The following KIAA1549 variants were observed in gnomAD, a reference collection of about 807,000 sequenced individuals.
KIAA1549 encodes UPF0606 protein KIAA1549.
KIAA1549 carries 70 observed loss-of-function variants against 156.4 expected under a neutral mutation model. That is an observed-to-expected ratio of 0.45 (90% CI 0.37 to 0.55). The LOEUF is 0.55. KIAA1549 is among the 20% of genes least tolerant of loss of function. KIAA1549 has a pLI of 0.00. For missense variants in KIAA1549, 2,428 were observed against 2,540.9 expected, an observed-to-expected ratio of 0.96 and a Z score of 0.96; for synonymous variants, 1,103 against 1,066.4, an observed-to-expected ratio of 1.03 and a Z score of -0.67.
chr7:138,944,853 G>A (rs542773570), intron 1 of KIAA1549, among the ~76,000 whole-genome samples: 2 of 152,284 alleles, frequency 1.3e-5, no homozygotes, highest in South Asian at 4.1e-4. Context: ...AACCCACAGA[G>A]GCAGAATGCA....
intron 19 of KIAA1549, 52 bp from the exon 20 acceptor site, chr7:138,838,212 C>T: frequency 1.5e-5 from 22 of 1,439,628 alleles, no homozygotes; most frequent in Non-Finnish European, 2.0e-5. Flanking sequence ...TAAGCCGAAA[C>T]ATCAAATGCA....
intron 16 of KIAA1549, among the ~76,000 whole-genome samples, chr7:138,852,515 C>G (rs1810264086): frequency 6.6e-6 from 1 of 152,222 alleles, no homozygotes; most frequent in South Asian, 2.1e-4. Context: ...TTGTATATTA[C>G]AACTATAAAT....
rs1321362337 is a variant in KIAA1549 at position 138,881,422 on chromosome 7, T to C, written c.4195A>G (p.Lys1399Glu). Residue 1399 changes from lysine (K) to glutamate (E), a missense_variant, in exon 11 of 20, where the codon AAG becomes GAG. Lys to Glu is a moderately conservative substitution (Grantham distance 56, BLOSUM62 1). Coordinates refer to ENST00000422774, the MANE Select transcript of KIAA1549 (RefSeq NM_001164665.2). ...ENGDVPSPKS[K>E]IPSKNVRHRG... ...TGACGAACATTCTTGGAAGGGATCT[T>C]TGACTTGGGGCTTGGCACGTCTCCA... The C allele has an allele frequency of 1.1e-5, 17 of 1,613,838 alleles. No homozygotes were observed. The highest frequency in any genetic ancestry group is 1.4e-5 in the Non-Finnish European group (16 of 1,179,876).
At chr7:138,862,515 AAAG>A (rs1810615505) in intron 15 of KIAA1549, among the ~76,000 whole-genome samples, 1 of 151,462 alleles carries the variant, frequency 6.6e-6, no homozygotes, top group African/African-American at 2.4e-5. Flanking sequence ...AAAAAAAAAA[AAAG>A]AAAAAGAAAA....
rs551331872 is a variant in KIAA1549, at chr7:138,895,801, T to C, written c.3848-1275A>G. Among the ~76,000 whole-genome samples, 81 of 152,286 alleles carry C rather than the reference T, an allele frequency of 5.3e-4. 1 individual carries two copies. In the South Asian group the frequency reaches 0.011, roughly 21 times the overall value. The stretch of plus-strand genomic sequence containing the variant: ...TGTGTTAATTTGGAAACTGAAGTCC[T>C]AATAAGCGTCCCATAGGCACTGCCT... On this transcript the variant is annotated intron_variant, in intron 9 of 19. Transcript: ENST00000422774.
At chr7:138,927,662 G>A (rs778803093) in intron 1 of KIAA1549, among the ~76,000 whole-genome samples, 1 of 152,078 alleles carries the variant, frequency 6.6e-6, no homozygotes, top group Admixed American at 6.6e-5. Flanking sequence ...GAATGCAATC[G>A]CAGATCAGAG....
intron 1 of KIAA1549, among the ~76,000 whole-genome samples, chr7:138,976,265 C>G (rs1276019137): frequency 6.6e-6 from 1 of 152,072 alleles, no homozygotes; most frequent in South Asian, 2.1e-4. Context: ...TTAGTAGAGA[C>G]CGGGTTTCAC....
intron 1 of KIAA1549, among the ~76,000 whole-genome samples, chr7:138,919,850 T>C (rs1812507868): frequency 6.6e-6 from 1 of 152,152 alleles, no homozygotes; most frequent in African/African-American, 2.4e-5. Context: ...GGAATCTGAA[T>C]ATAAGGCTTC....
intron 9 of KIAA1549, among the ~76,000 whole-genome samples, chr7:138,897,479 T>C (rs1811714313): frequency 6.6e-6 from 1 of 152,242 alleles, no homozygotes; most frequent in Non-Finnish European, 1.5e-5. Context: ...ATGTTCTCCA[T>C]AAAGATTTTT....
intron 2 of KIAA1549, 97 bp from the exon 3 acceptor site, chr7:138,912,557 A>G (rs1242694576): frequency 2.1e-6 from 2 of 964,896 alleles, no homozygotes; most frequent in Non-Finnish European, 3.3e-6. Flanking sequence ...AAAATGTGTT[A>G]GCAGTTCCAA....
chr7:138,953,962 T>C (rs922404787), intron 1 of KIAA1549, among the ~76,000 whole-genome samples: 1 of 152,228 alleles, frequency 6.6e-6, no homozygotes, highest in Non-Finnish European at 1.5e-5. Context: ...AGAAAATAAA[T>C]GGTGCATCAC....
chr7:138,878,113 GA>G (rs1563059709), intron 12 of KIAA1549, among the ~76,000 whole-genome samples: 1 of 152,154 alleles, frequency 6.6e-6, no homozygotes, highest in South Asian at 2.1e-4. Context: ...CACATCCAAA[GA>G]AAAAACTCTT....
chr7:138,838,090 T>C lies in KIAA1549; in HGVS notation c.5669A>G (p.Glu1890Gly). The change falls in exon 20 of 20, where the codon GAG becomes GGG. Residue 1890 changes from glutamate to glycine, a missense_variant. Around this residue, in one of 5 missense-constraint regions of KIAA1549, gnomAD observed 363 missense variants for 354.0 expected, o/e 1.03. Coordinates refer to ENST00000422774, the MANE Select transcript of KIAA1549 (RefSeq NM_001164665.2). ...GAGGTTCCCGGAAGGAGCTGAGGGC[T>C]CCCTGCCTGAAGTCCTTGGCACCTG... ...LFQVPRTSGR[E>G]PSAPSGNLPH... is the part of the protein sequence containing the mutation. 1 of 1,574,708 alleles carries C rather than the reference T, an allele frequency of 6.4e-7. No individual in the cohort carries two copies. The highest frequency in any genetic ancestry group is 8.6e-7 in the Non-Finnish European group (1 of 1,162,376).
intron 1 of KIAA1549, among the ~76,000 whole-genome samples, chr7:138,922,359 G>A (rs1049046305): frequency 6.6e-6 from 1 of 152,066 alleles, no homozygotes; most frequent in East Asian, 1.9e-4. Flanking sequence ...GCAGAGCACA[G>A]AAGTAAAAAT....
intron 1 of KIAA1549, among the ~76,000 whole-genome samples, chr7:138,938,992 G>A (rs1813097316): frequency 6.6e-6 from 1 of 152,130 alleles, no homozygotes; most frequent in African/African-American, 2.4e-5. Context: ...AGGTTGCAGT[G>A]AGCCGAGTGA....
At chr7:138,857,161 A>G (rs1429877078) in intron 16 of KIAA1549, among the ~76,000 whole-genome samples, 6 of 152,122 alleles carry the variant, frequency 3.9e-5, no homozygotes, top group African/African-American at 1.2e-4. Flanking sequence ...TAATTACATG[A>G]GCCGACTCCT....
At chr7:138,943,163 T>C (rs1813233403) in intron 1 of KIAA1549, among the ~76,000 whole-genome samples, 1 of 152,190 alleles carries the variant, frequency 6.6e-6, no homozygotes, top group South Asian at 2.1e-4. Context: ...GTGACAACAG[T>C]GGCAACAATG....
At position 138,871,213 on chromosome 7, in the gene KIAA1549, C is replaced by T. The variant is rs569279130; in HGVS notation, c.4495G>A (p.Val1499Ile). 1.2e-5 allele frequency: 20 copies of T among 1,613,248 alleles called. No individual in the cohort carries two copies. Among genetic ancestry groups the T allele is most frequent in the Middle Eastern group, 1.7e-4 (1 of 6,054 alleles). The change falls in exon 13 of 20, where the codon GTC becomes ATC. Residue 1499 changes from valine to isoleucine, a missense_variant. Physicochemically the swap from Val to Ile is conservative, Grantham distance 29 (BLOSUM62 3). This residue lies in a region of KIAA1549 where 404 missense variants were observed against 417.0 expected (regional missense o/e 0.97). Coordinates refer to ENST00000422774, the MANE Select transcript of KIAA1549 (RefSeq NM_001164665.2). ...IAMQPIPAPP[V>I]QRPSPADRVA... ...CGGTCGGCTGGGGAGGGGCGCTGGA[C>T]GGGAGGTGCCGGGATCGGCTGCATG...
chr7:138,901,055 T>C (rs888584439), intron 8 of KIAA1549, among the ~76,000 whole-genome samples: 2 of 152,204 alleles, frequency 1.3e-5, no homozygotes, highest in Non-Finnish European at 2.9e-5. Flanking sequence ...CTTATAACCA[T>C]GGGAGTCATC....
Sources: allele counts gnomAD v4.1 joint callset (sites outside exome capture counted in the v4.1 genomes callset), GRCh38; gene constraint gnomAD v4.1.1; regional missense constraint gnomAD v4.1.1; transcripts MANE v1.5; gene names NCBI Gene and HGNC (gene_info 2026-07-23, HGNC 2026-07-21).